The following ALDH2 variants were observed in gnomAD, a reference collection of about 807,000 sequenced individuals.
ALDH2 encodes the protein aldehyde dehydrogenase, mitochondrial.
In ALDH2, 44 loss-of-function variants were observed where a neutral mutation model predicts 59.6. The observed-to-expected ratio is 0.74, with a 90% CI of 0.58 to 0.95. The LOEUF is 0.95. Among genes scored for constraint, ALDH2 ranks in the 40% least tolerant of loss-of-function variants. ALDH2 has a pLI of 0.00. For synonymous variants in ALDH2, 291 were observed against 284.0 expected (o/e 1.02, Z -0.25); for missense variants, 570 against 696.3 (o/e 0.82, Z 2.04).
intron 4 of ALDH2, 49 bp from the exon 5 acceptor site, chr12:111,789,774 G>T (rs776347741): frequency 5.4e-6 from 8 of 1,488,512 alleles, no homozygotes; most frequent in Non-Finnish European, 5.6e-6. Flanking sequence ...GGGTTTGCAG[G>T]GGTCCCTGAC....
At chr12:111,770,899 C>T (rs576325361) in intron 1 of ALDH2, among the ~76,000 whole-genome samples, 2 of 152,112 alleles carry the variant, frequency 1.3e-5, no homozygotes, top group East Asian at 3.9e-4. Context: ...GATCCACCTG[C>T]CCTGGCCTCC....
chr12:111,768,532 T>G (rs1366156246), intron 1 of ALDH2, among the ~76,000 whole-genome samples: 1 of 152,256 alleles, frequency 6.6e-6, no homozygotes, highest in Non-Finnish European at 1.5e-5. Flanking sequence ...CTTGGAAGAC[T>G]TGAGCATCAA....
At chr12:111,767,780 T>C (rs2068170812) in intron 1 of ALDH2, among the ~76,000 whole-genome samples, 1 of 152,234 alleles carries the variant, frequency 6.6e-6, no homozygotes, top group East Asian at 1.9e-4. Flanking sequence ...TTGGAATATT[T>C]TTTGTTTTGA....
Position 111,767,017 on chromosome 12 carries a change from T to C in ALDH2, c.35T>C (p.Leu12Pro), listed in dbSNP as rs1215850690. ...LRAAARFGPR[L>P]GRRLLSAAAT... ...GCTGCCGCCCGCTTCGGGCCCCGCC[T>C]GGGCCGCCGCCTCTTGTCAGCCGCC... The change falls in exon 1 of 13, where the codon CTG becomes CCG. Residue 12 changes from leucine to proline, a missense_variant. Transcript: ENST00000261733. 2.6e-6 allele frequency: 4 copies of C among 1,524,502 alleles called. No individual in the cohort carries two copies. Among genetic ancestry groups the C allele is most frequent in the Non-Finnish European group, 3.5e-6 (4 of 1,142,122 alleles). The allele number at this position is 1,524,502 out of a possible 1,614,324, so 94.4% of individuals were successfully genotyped here. A position where few individuals can be genotyped will look rare whatever the true frequency, so the allele number is the denominator to read the frequency against.
At chr12:111,798,726 G>A (rs920753152) in intron 10 of ALDH2, among the ~76,000 whole-genome samples, 2 of 152,082 alleles carry the variant, frequency 1.3e-5, no homozygotes, top group Non-Finnish European at 2.9e-5. Context: ...TTTAGTACAG[G>A]CTGGGTGCAG....
At chr12:111,790,644 G>C (rs1415147039) in intron 6 of ALDH2, 82 bp downstream of exon 6, 1 of 1,568,824 alleles carries the variant, frequency 6.4e-7, no homozygotes, top group African/African-American at 1.4e-5. Context: ...GGTCTCAGGG[G>C]TCCCTAAACA....
At position 111,813,115 on chromosome 12, in the gene ALDH2, C is replaced by T. The variant is rs1189398298; in HGVS notation, c.*3540C>T. 1 of 152,202 alleles carries T rather than the reference C, an allele frequency of 6.6e-6. No individual in the cohort carries two copies. Among genetic ancestry groups the T allele is most frequent in the Non-Finnish European group, 1.5e-5 (1 of 68,048 alleles). 9.4% of individuals were successfully genotyped at this position (152,202 alleles called of 1,614,324 possible). A position where few individuals can be genotyped will look rare whatever the true frequency, so the allele number is the denominator to read the frequency against. Reference sequence around the variant, plus strand: ...TTTAGTGACAGGAACCCATTAGAACCTTAAGCAGCTGTCTGAAGTAAAAAC... The same window carrying T: ...TTTAGTGACAGGAACCCATTAGAACTTTAAGCAGCTGTCTGAAGTAAAAAC... On this transcript the variant is annotated 3_prime_UTR_variant, in exon 13 of 13. Transcript: ENST00000261733.
intron 3 of ALDH2, 99 bp downstream of exon 3, chr12:111,783,397 G>A: frequency 2.8e-6 from 4 of 1,434,660 alleles, no homozygotes; most frequent in Non-Finnish European, 3.8e-6. Context: ...GAACAGCCAG[G>A]GAACACACAT....
intron 3 of ALDH2, 132 bp from the exon 4 acceptor site, chr12:111,785,134 TG>T: frequency 1.3e-6 from 1 of 752,536 alleles, no homozygotes; most frequent in Non-Finnish European, 2.4e-6. Flanking sequence ...TAGTGACATT[TG>T]GGGCACAAAG....
At chr12:111,793,297 T>C (rs919901089) in intron 9 of ALDH2, among the ~76,000 whole-genome samples, 3 of 151,952 alleles carry the variant, frequency 2.0e-5, no homozygotes, top group African/African-American at 7.2e-5. Flanking sequence ...ATACCTCACC[T>C]CAGCCTTGAA....
chr12:111,792,534 G>A (rs1430374143), intron 8 of ALDH2, 64 bp from the exon 9 acceptor site: 10 of 1,536,978 alleles, frequency 6.5e-6, no homozygotes, highest in East Asian at 2.3e-5. Flanking sequence ...TTGGGCAGGC[G>A]GCCACCAGGG....
chr12:111,777,673 G>A (rs1421155214), intron 1 of ALDH2, among the ~76,000 whole-genome samples: 1 of 152,144 alleles, frequency 6.6e-6, no homozygotes. Context: ...GCACCCCGAG[G>A]AGGAGCTGAC....
chr12:111,802,991 G>C (rs2068466608), intron 11 of ALDH2, among the ~76,000 whole-genome samples: 1 of 151,630 alleles, frequency 6.6e-6, no homozygotes. Context: ...AAGAGTTTGA[G>C]ACCAGCCTGA....
intron 4 of ALDH2, among the ~76,000 whole-genome samples, chr12:111,789,459 T>C (rs2068338363): frequency 1.4e-5 from 2 of 140,830 alleles, no homozygotes; most frequent in African/African-American, 5.4e-5. Context: ...ACCACTGCAC[T>C]CCATCCTGGG....
intron 1 of ALDH2, among the ~76,000 whole-genome samples, chr12:111,781,042 G>A (rs528141849): frequency 6.6e-6 from 1 of 152,226 alleles, no homozygotes; most frequent in East Asian, 1.9e-4. Flanking sequence ...TTAAGAGGAA[G>A]AGGCTACAGG....
chr12:111,797,128 T>G (rs1426435808), intron 9 of ALDH2, among the ~76,000 whole-genome samples: 1 of 152,142 alleles, frequency 6.6e-6, no homozygotes, highest in Admixed American at 6.6e-5. Context: ...AGAGACGGGG[T>G]TTCACTATGT....
Position 111,791,366 on chromosome 12 carries a change from G to C in ALDH2, c.742G>C (p.Ala248Pro), listed in dbSNP as rs760546011. The change falls in exon 7 of 13, where the codon GCC becomes CCC. Residue 248 changes from alanine to proline, a missense_variant. Transcript: ENST00000261733. ...TGGATTTGGCCCCACGGCTGGGGCC[G>C]CCATTGCCTCCCATGAGGATGTGGA... ...VPGFGPTAGAAIASHEDVDKV... is the reference protein window; with the variant it reads ...VPGFGPTAGAPIASHEDVDKV... 2.5e-6 allele frequency: 4 copies of C among 1,614,008 alleles called. No homozygotes were observed. Among genetic ancestry groups the C allele is most frequent in the Non-Finnish European group, 3.4e-6 (4 of 1,179,990 alleles).
At chr12:111,775,727 C>T (rs563159136) in intron 1 of ALDH2, 2 of 454,352 alleles carry the variant, frequency 4.4e-6, no homozygotes, top group South Asian at 3.1e-5. Flanking sequence ...TTATGTAAGT[C>T]GAGCTTCGGG....
Position 111,803,991 on chromosome 12 carries a change from TG to T in ALDH2, c.1521+23del. 2 of 1,566,210 alleles carry T rather than the reference TG, an allele frequency of 1.3e-6. No individual in the cohort carries two copies. The highest frequency in any genetic ancestry group is 1.1e-5 in the South Asian group (1 of 87,430). On this transcript the variant is annotated intron_variant, in intron 12 of 12. Coordinates refer to ENST00000261733, the MANE Select transcript of ALDH2 (RefSeq NM_000690.4). ...TGAAAACTGTGAGTGTGGGACCTGC[TG>T]GGGGCTCAGGGCCTGTTGGGGCTTG...
Sources: gnomAD v4.1 joint callset for allele counts (sites outside exome capture counted in the v4.1 genomes callset) on GRCh38, gnomAD v4.1.1 for gene constraint, MANE v1.5 for transcripts, NCBI Gene and HGNC (gene_info 2026-07-23, HGNC 2026-07-21) for gene names.